The following ATP6V1G3 variants were observed in gnomAD, a reference collection of about 807,000 sequenced individuals.
The protein encoded by ATP6V1G3 is V-type proton ATPase subunit G 3.
ATP6V1G3 carries 9 observed loss-of-function variants against 9.3 expected under a neutral mutation model. That is an observed-to-expected ratio of 0.97 (90% CI 0.59 to 1.69). ATP6V1G3 has a LOEUF of 1.69. ATP6V1G3 is among the 40% of genes most tolerant of loss of function. The probability of loss-of-function intolerance (pLI) is 0.00; values close to 1 mark genes in which losing one functional copy is unlikely to be tolerated. For synonymous variants in ATP6V1G3, 43 were observed against 43.8 expected, an observed-to-expected ratio of 0.98 and a Z score of 0.07; for missense variants, 133 against 139.0, an observed-to-expected ratio of 0.96 and a Z score of 0.22.
chr1:198,530,922 A>G (rs1659874625), intron 1 of ATP6V1G3, among the ~76,000 whole-genome samples: 1 of 152,150 alleles, frequency 6.6e-6, no homozygotes. Context: ...TACAAAATAA[A>G]TCACATGCCT....
intron 1 of ATP6V1G3, among the ~76,000 whole-genome samples, chr1:198,535,815 A>G (rs948306960): frequency 1.3e-5 from 2 of 152,146 alleles, no homozygotes. Flanking sequence ...CACAGCTAAT[A>G]AGAAGCAGAA....
At chr1:198,536,700 C>A (rs3736930) in intron 1 of ATP6V1G3, 1 of 1,605,854 alleles carries the variant, frequency 6.2e-7, no homozygotes, top group Non-Finnish European at 8.5e-7. Context: ...CCAGTCTCTT[C>A]GTTTTAGGAA....
At chr1:198,531,298 A>G (rs1172071871) in intron 1 of ATP6V1G3, among the ~76,000 whole-genome samples, 1 of 152,178 alleles carries the variant, frequency 6.6e-6, no homozygotes, top group Non-Finnish European at 1.5e-5. Context: ...CCTAAAGCCT[A>G]CTGTTCTGTT....
At chr1:198,536,207 T>C (rs1168180128) in intron 1 of ATP6V1G3, among the ~76,000 whole-genome samples, 2 of 152,284 alleles carry the variant, frequency 1.3e-5, no homozygotes, top group African/African-American at 2.4e-5. Context: ...TTCAGAACAA[T>C]GTTAATGCAG....
chr1:198,533,631 A>G (rs998856445), intron 1 of ATP6V1G3, among the ~76,000 whole-genome samples: 9 of 152,118 alleles, frequency 5.9e-5, no homozygotes, highest in African/African-American at 1.7e-4. Flanking sequence ...GTTTATATGA[A>G]CTTAGAGATC....
chr1:198,536,148 T>TG (rs1450075802), intron 1 of ATP6V1G3, among the ~76,000 whole-genome samples: 1 of 152,182 alleles, frequency 6.6e-6, no homozygotes, highest in Non-Finnish European at 1.5e-5. Flanking sequence ...AGAAATGATT[T>TG]GGGAATATGA....
intron 1 of ATP6V1G3, 126 bp from the exon 2 acceptor site, chr1:198,529,307 C>T (rs1196363608): frequency 4.6e-6 from 1 of 216,842 alleles, no homozygotes; most frequent in Non-Finnish European, 8.5e-6. Context: ...CACACGTATG[C>T]ATATGGAGCT....
intron 1 of ATP6V1G3, 51 bp downstream of exon 1, chr1:198,540,518 A>C (rs772834175): frequency 1.9e-6 from 3 of 1,572,268 alleles, no homozygotes; most frequent in Non-Finnish European, 2.6e-6. Context: ...TTATCCCTGC[A>C]TTCCACTGCT....
intron 1 of ATP6V1G3, among the ~76,000 whole-genome samples, chr1:198,536,088 A>G (rs1247791832): frequency 6.6e-6 from 1 of 152,190 alleles, no homozygotes; most frequent in Non-Finnish European, 1.5e-5. Context: ...GCAGCTTCCA[A>G]AGTAAATAAA....
Position 198,523,527 on chromosome 1 carries a change from T to C in ATP6V1G3, c.221A>G (p.Glu74Gly), listed in dbSNP as rs1465666337. Residue 74 changes from glutamate (E) to glycine (G), a missense_variant, in exon 3 of 3, where the codon GAA (glutamate) becomes GGA (glycine). Transcript: ENST00000367382. The stretch of plus-strand genomic sequence containing the variant: ...TTGTATCTTCCCTAGTGTTTGTTCT[T>C]CTATTTCATCTGAGAGATTATTCTG... ...GSQNNLSDEI[E>G]EQTLGKIQEL... 4 of 1,613,436 alleles carry C rather than the reference T, an allele frequency of 2.5e-6. No homozygotes were observed. The highest frequency in any genetic ancestry group is 1.7e-5 in the Admixed American group (1 of 59,886).
In ATP6V1G3 at chr1:198,523,333, A is replaced by G. The variant is rs1659516620; in HGVS notation, c.*58T>C. 2 of 1,526,966 alleles carry G rather than the reference A, an allele frequency of 1.3e-6. No homozygotes were observed. The highest frequency in any genetic ancestry group is 4.4e-5 in the Admixed American group (2 of 45,160). 94.6% of individuals were successfully genotyped at this position (1,526,966 alleles called of 1,614,324 possible). On this transcript the variant is annotated 3_prime_UTR_variant, in exon 3 of 3. Coordinates refer to ENST00000367382, the MANE Select transcript of ATP6V1G3 (RefSeq NM_001376861.1). ...TTTCTCAACATAAAAATACGAAGCC[A>G]TAAGCAACCAGGTGGCACTCACACA...
upstream of ATP6V1G3, chr1:198,540,763 A>G: frequency 8.8e-7 from 1 of 1,140,928 alleles, no homozygotes; most frequent in South Asian, 1.3e-5. Context: ...CAAGTTCCAA[A>G]TGCAGCTGTT....
At chr1:198,529,908 C>T (rs183997590) in intron 1 of ATP6V1G3, among the ~76,000 whole-genome samples, 130 of 152,086 alleles carry the variant, frequency 8.5e-4, no homozygotes, top group African/African-American at 3.1e-3. Flanking sequence ...AAGCCTTAAG[C>T]TAGCAGACAA....
At chr1:198,538,548 A>G (rs1365419003) in intron 1 of ATP6V1G3, among the ~76,000 whole-genome samples, 1 of 152,190 alleles carries the variant, frequency 6.6e-6, no homozygotes, top group South Asian at 2.1e-4. Context: ...CAAAGGCAAC[A>G]TAACTATCAC....
intron 2 of ATP6V1G3, among the ~76,000 whole-genome samples, chr1:198,524,821 C>T (rs886549908): frequency 4.5e-4 from 69 of 152,094 alleles, no homozygotes; most frequent in South Asian, 6.2e-4. Flanking sequence ...TTGCTTTTTC[C>T]GTCTGAGAGT....
intron 1 of ATP6V1G3, among the ~76,000 whole-genome samples, chr1:198,531,389 A>T (rs1659892555): frequency 6.6e-6 from 1 of 152,204 alleles, no homozygotes; most frequent in East Asian, 1.9e-4. Flanking sequence ...GAATTTGGCA[A>T]TTCTAAAATT....
At chr1:198,528,848 A>G (rs1225362925) in intron 2 of ATP6V1G3, among the ~76,000 whole-genome samples, 2 of 151,844 alleles carry the variant, frequency 1.3e-5, no homozygotes, top group African/African-American at 4.8e-5. Flanking sequence ...TATACTATAT[A>G]TTACATAATA....
intron 1 of ATP6V1G3, among the ~76,000 whole-genome samples, chr1:198,531,273 T>TG (rs1240987243): frequency 6.6e-6 from 1 of 152,112 alleles, no homozygotes; most frequent in Non-Finnish European, 1.5e-5. Context: ...TTTAATCCAG[T>TG]GGAAAAAACT....
upstream of ATP6V1G3, chr1:198,540,812 G>T: frequency 1.4e-6 from 1 of 694,370 alleles, no homozygotes; most frequent in Non-Finnish European, 2.5e-6. Context: ...TGGGTCCCAA[G>T]GAAAGCCCAA....
Sources: allele counts gnomAD v4.1 joint callset (sites outside exome capture counted in the v4.1 genomes callset), GRCh38; gene constraint gnomAD v4.1.1; transcripts MANE v1.5; gene names NCBI Gene and HGNC (gene_info 2026-07-23, HGNC 2026-07-21).